The following ANO8 variants were observed in gnomAD, a reference collection of about 807,000 sequenced individuals.
ANO8 encodes the protein anoctamin 8.
A neutral mutation model predicts 120.4 loss-of-function variants in ANO8; 67 were observed. The observed-to-expected ratio is 0.56, with a 90% CI of 0.46 to 0.68. ANO8 has a LOEUF of 0.68. Ranked by LOEUF, ANO8 falls within the 30% of genes least tolerant of loss-of-function variation. The probability of loss-of-function intolerance (pLI) is 0.00; values close to 1 mark genes in which losing one functional copy is unlikely to be tolerated. For missense variants in ANO8, 1,526 were observed against 1,737.6 expected (o/e 0.88, Z 2.16); for synonymous variants, 727 against 759.2 (o/e 0.96, Z 0.70).
chr19:17,331,166 C>G lies in ANO8; in HGVS notation c.753G>C (p.Trp251Cys), dbSNP rs2145689919. ...FGVKIAMYFA[W>C]LGFYTSAMVY... is the part of the protein sequence containing the mutation. Reference sequence around the variant, plus strand: ...CCATAGCCGACGTGTAGAAGCCCAGCCAGGCGAAGTACATGGCAATTTTCA... The same window carrying G: ...CCATAGCCGACGTGTAGAAGCCCAGGCAGGCGAAGTACATGGCAATTTTCA... The change falls in exon 7 of 18, where the codon TGG (tryptophan) becomes TGC (cysteine). Residue 251 changes from tryptophan (W) to cysteine (C), a missense_variant. This residue lies in a region of ANO8 where 322 missense variants were observed against 431.8 expected (regional missense o/e 0.75). Transcript: ENST00000159087. The G allele has an allele frequency of 6.2e-7, 1 of 1,614,162 alleles. No individual in the cohort carries two copies. Among genetic ancestry groups the G allele is most frequent in the Non-Finnish European group, 8.5e-7 (1 of 1,180,036 alleles).
At chr19:17,329,405 C>T in intron 12 of ANO8, 1 of 391,184 alleles carries the variant, frequency 2.6e-6, no homozygotes. Flanking sequence ...GCCACCTGCC[C>T]GTACTTTGGC....
intron 5 of ANO8, 107 bp from the exon 6 acceptor site, chr19:17,331,518 C>A: frequency 1.1e-6 from 1 of 924,076 alleles, no homozygotes; most frequent in Non-Finnish European, 1.7e-6. Context: ...TGCTCTTAAA[C>A]CTCTAGAGCT....
At position 17,329,838 on chromosome 19, in the gene ANO8, G is replaced by A. The variant is rs763133606; in HGVS notation, c.1330-7C>T. ...ACGAGTTGACAAACTGGAACTGCAGGAAGGAGGCAGGCGGTGGTCATCCTG... is the reference window on the plus strand; with the variant it reads ...ACGAGTTGACAAACTGGAACTGCAGAAAGGAGGCAGGCGGTGGTCATCCTG... On this transcript the variant is annotated splice_polypyrimidine_tract_variant and splice_region_variant and intron_variant, in intron 11 of 17. Transcript: ENST00000159087. 1 of 1,613,946 alleles carries A rather than the reference G, an allele frequency of 6.2e-7. No individual in the cohort carries two copies. The highest frequency in any genetic ancestry group is 1.1e-5 in the South Asian group (1 of 91,086).
In ANO8 at chr19:17,328,518, C is replaced by G; in HGVS notation, c.1870G>C (p.Ala624Pro). The G allele has an allele frequency of 6.4e-7, 1 of 1,552,354 alleles. No homozygotes were observed. Residue 624 changes from alanine to proline, a missense_variant, in exon 13 of 18, where the codon GCG (alanine) becomes CCG (proline). Transcript: ENST00000159087. Reference protein sequence around the residue: ...LKKVSFAERGAGRRRPGPSPE... With the variant: ...LKKVSFAERGPGRRRPGPSPE... Reference sequence around the variant, plus strand: ...CTTGGGCCGGGCCGACGCCGCCCCGCGCCGCGCTCAGCGAAGCTGACCTTC... The same window carrying G: ...CTTGGGCCGGGCCGACGCCGCCCCGGGCCGCGCTCAGCGAAGCTGACCTTC...
rs1215297183 is a variant in ANO8 at position 17,334,714 on chromosome 19, CG to C, written c.-45del. ...CAGGGGCTACGGACGGCCCGGGCGA[CG>C]GGGAGCCGCGGGCTCATGGGGCCGG... On this transcript the variant is annotated 5_prime_UTR_variant, in exon 1 of 18. An upstream open reading frame in the 5' UTR loses its in-frame stop. Transcript: ENST00000159087. The C allele has an allele frequency of 7.5e-7, 1 of 1,327,746 alleles. No individual in the cohort carries two copies. Among genetic ancestry groups the C allele is most frequent in the Non-Finnish European group, 9.7e-7 (1 of 1,036,200 alleles). 82.2% of individuals were successfully genotyped at this position (1,327,746 alleles called of 1,614,324 possible).
rs766105839 is a variant in ANO8 at position 17,333,666 on chromosome 19, G to T, written c.217+24C>A. 5.9e-6 allele frequency: 6 copies of T among 1,024,348 alleles called. 1 individual carries two copies. Among genetic ancestry groups the T allele is most frequent in the Middle Eastern group, 3.7e-4 (1 of 2,698 alleles). The allele number at this position is 1,024,348 out of a possible 1,614,324, so 63.5% of individuals were successfully genotyped here. ...GGAGAGCCGCATCTGGGCACTGGGC[G>T]GGCGGGCGGGCGGGCTTGGGTACCT... On this transcript the variant is annotated intron_variant, in intron 2 of 17. Transcript: ENST00000159087. The surrounding 1 kb of genome is among the most constrained non-coding windows in gnomAD (Gnocchi z 7.2).
In ANO8 at chr19:17,323,425, C is replaced by A; in HGVS notation, c.*92G>T. The A allele has an allele frequency of 7.9e-7, 1 of 1,259,376 alleles. No homozygotes were observed. The highest frequency in any genetic ancestry group is 1.0e-6 in the Non-Finnish European group (1 of 994,028). The allele number at this position is 1,259,376 out of a possible 1,614,324, so 78.0% of individuals were successfully genotyped here. ...GGCACCGACCAATACTGGGGGCCCT[C>A]GGGGGCTGAAGCGCATTTTGCATTT... On this transcript the variant is annotated 3_prime_UTR_variant, in exon 18 of 18. Transcript: ENST00000159087.
Position 17,334,616 on chromosome 19 carries a change from T to G in ANO8, c.55A>C (p.Lys19Gln). The change falls in exon 1 of 18, where the codon AAG becomes CAG. Residue 19 changes from lysine (K) to glutamine (Q), a missense_variant. Physicochemically the swap from Lys to Gln is moderately conservative, Grantham distance 53. Transcript: ENST00000159087. ...GGCTCGCCCTCCGGCGGGGGCCTCT[T>G]GCCACGCTCGCCCTCCAGGGACGTG... ...GGTSLEGERG[K>Q]RPPPEGEPAA... 1 of 1,530,696 alleles carries G rather than the reference T, an allele frequency of 6.5e-7. No individual in the cohort carries two copies. Among genetic ancestry groups the G allele is most frequent in the Non-Finnish European group, 8.7e-7 (1 of 1,147,092 alleles). The allele number at this position is 1,530,696 out of a possible 1,614,324, so 94.8% of individuals were successfully genotyped here. A position where few individuals can be genotyped will look rare whatever the true frequency, so the allele number is the denominator to read the frequency against.
chr19:17,325,129 G>T lies in ANO8; in HGVS notation c.2919C>A (p.Asn973Lys). 6.2e-7 allele frequency: 1 copy of T among 1,613,720 alleles called. No individual in the cohort carries two copies. The part of the protein sequence containing the change: ...PKRPGSLLAP[N>K]NVMKLKQIIP... The stretch of plus-strand genomic sequence containing the variant: ...TGATCTGCTTCAACTTCATGACGTT[G>T]TTGGGTGCCAGCAGGGACCCTGGGC... Residue 973 changes from asparagine to lysine, a missense_variant, in exon 17 of 18, where the codon AAC becomes AAA. Physicochemically the swap from Asn to Lys is moderately conservative, Grantham distance 94 (BLOSUM62 0). Coordinates refer to ENST00000159087, the MANE Select transcript of ANO8 (RefSeq NM_020959.3).
chr19:17,333,564 G>C lies in ANO8; in HGVS notation c.218-10C>G, dbSNP rs1014160483. ...TGGTCATCGGTCGTGTCTGCCAAGG[G>C]GCACAGGGACCGATGGCTCCTGCCA... On this transcript the variant is annotated splice_polypyrimidine_tract_variant and intron_variant, in intron 2 of 17. Coordinates refer to ENST00000159087, the MANE Select transcript of ANO8 (RefSeq NM_020959.3). This position sits in a 1 kb window ranked among gnomAD's most constrained non-coding sequence, Gnocchi z 7.2. 1.2e-6 allele frequency: 2 copies of C among 1,612,204 alleles called. No homozygotes were observed. Among genetic ancestry groups the C allele is most frequent in the African/African-American group, 2.7e-5 (2 of 74,848 alleles).
At position 17,330,454 on chromosome 19, in the gene ANO8, C is replaced by A. The variant is rs933309760; in HGVS notation, c.1044G>T (p.Pro348=). The A allele has an allele frequency of 1.9e-6, 3 of 1,565,058 alleles. No individual in the cohort carries two copies. Among genetic ancestry groups the A allele is most frequent in the Non-Finnish European group, 1.7e-6 (2 of 1,155,270 alleles). ...GCTGGAAGAGCAGCCGCTTCCAGGG[C>A]GGGTAGTAGAACTCCTCGGCCCGCG... ...PITRAEEFYY[P]PWKRLLFQLL... is the part of the protein sequence containing the mutation. The change falls in exon 9 of 18, where the codon CCG becomes CCT. Residue 348 remains proline (P), a synonymous_variant. Coordinates refer to ENST00000159087, the MANE Select transcript of ANO8 (RefSeq NM_020959.3).
chr19:17,330,522 C>T lies in ANO8; in HGVS notation c.994-18G>A, dbSNP rs1296438745. 6.7e-7 allele frequency: 1 copy of T among 1,494,586 alleles called. No individual in the cohort carries two copies. The highest frequency in any genetic ancestry group is 2.3e-5 in the Admixed American group (1 of 44,140). The allele number at this position is 1,494,586 out of a possible 1,614,324, so 92.6% of individuals were successfully genotyped here. ...CGCACGCCCTGATGGTGGGCAAAGA[C>T]CGGGCCCAGCATGAGCTCAGAGGGG... On this transcript the variant is annotated intron_variant, in intron 8 of 17. Coordinates refer to ENST00000159087, the MANE Select transcript of ANO8 (RefSeq NM_020959.3).
At chr19:17,324,031 CT>C (rs957261421) in intron 17 of ANO8, 147 bp from the exon 18 acceptor site, 8 of 937,838 alleles carry the variant, frequency 8.5e-6, no homozygotes. Context: ...GGGCGGCCCC[CT>C]GGGCGGCTTC....
At chr19:17,327,599 G>A (rs1199556511) in intron 14 of ANO8, 30 bp from the exon 15 acceptor site, 1 of 1,611,634 alleles carries the variant, frequency 6.2e-7, no homozygotes, top group Non-Finnish European at 8.5e-7. Context: ...CTCAGGCGGG[G>A]TCCAGCCGGC....
At chr19:17,326,914 G>A (rs1008351075) in intron 16 of ANO8, among the ~76,000 whole-genome samples, 4 of 152,212 alleles carry the variant, frequency 2.6e-5, no homozygotes, top group African/African-American at 9.7e-5. Context: ...TGGACCCGTT[G>A]TGAACACTAG....
At chr19:17,327,158 A>C in intron 16 of ANO8, 77 bp downstream of exon 16, 26 of 1,272,568 alleles carry the variant, frequency 2.0e-5, no homozygotes, top group Non-Finnish European at 2.8e-5. Flanking sequence ...CCTTACGCTA[A>C]GGAATTGGCC....
In ANO8 at chr19:17,330,225, C is replaced by A; in HGVS notation, c.1173G>T (p.Leu391Phe). 6.2e-7 allele frequency: 1 copy of A among 1,614,044 alleles called. No homozygotes were observed. The highest frequency in any genetic ancestry group is 2.2e-5 in the East Asian group (1 of 44,876). Residue 391 changes from leucine (L) to phenylalanine (F), a missense_variant, in exon 10 of 18, where the codon TTG becomes TTT. Leu to Phe is a conservative substitution (Grantham distance 22). Transcript: ENST00000159087. ...LQELVLSVKG[L>F]PRLARFLPKV... Reference sequence around the variant, plus strand: ...TAGGCAGGAATCGGGCGAGACGGGGCAACCCCTTCACGCTCAGCACCAGCT... The same window carrying A: ...TAGGCAGGAATCGGGCGAGACGGGGAAACCCCTTCACGCTCAGCACCAGCT...
chr19:17,323,569 G>C lies in ANO8; in HGVS notation c.3647C>G (p.Pro1216Arg), dbSNP rs780309990. ...GGCCTGGGGGCTGGGGCTGGGGCTA[G>C]GGGAGGGCGCTGGGGTCTCGAGGGG... is the stretch of plus-strand genomic sequence containing the variant. ...SDPLETPAPS[P>R]SPSPSPQAVC... Residue 1216 changes from proline (P) to arginine (R), a missense_variant, in exon 18 of 18, where the codon CCT (proline) becomes CGT (arginine). This residue lies in a region of ANO8 where 489 missense variants were observed against 548.6 expected (regional missense o/e 0.89). Coordinates refer to ENST00000159087, the MANE Select transcript of ANO8 (RefSeq NM_020959.3). The C allele has an allele frequency of 4.6e-6, 6 of 1,290,906 alleles. No individual in the cohort carries two copies. Among genetic ancestry groups the C allele is most frequent in the Middle Eastern group, 3.0e-4 (1 of 3,292 alleles). The allele number at this position is 1,290,906 out of a possible 1,614,324, so 80.0% of individuals were successfully genotyped here.
intron 17 of ANO8, among the ~76,000 whole-genome samples, chr19:17,324,153 T>C (rs2074257501): frequency 6.9e-6 from 1 of 144,278 alleles, no homozygotes; most frequent in African/African-American, 2.5e-5. Flanking sequence ...CTGCCACCTG[T>C]TGGGCTCCCT....
Sources: gnomAD v4.1 joint callset for allele counts (sites outside exome capture counted in the v4.1 genomes callset) on GRCh38, gnomAD v4.1.1 for gene constraint, gnomAD v4.1.1 regional missense constraint, Gnocchi (gnomAD v3.1) non-coding constraint, MANE v1.5 for transcripts, NCBI Gene and HGNC (gene_info 2026-07-23, HGNC 2026-07-21) for gene names.